GAS7: variants seen among roughly 807,000 people sequenced by gnomAD.
GAS7 encodes growth arrest-specific protein 7.
A neutral mutation model predicts 71.1 loss-of-function variants in GAS7; 28 were observed. The observed-to-expected ratio is 0.39, with a 90% CI of 0.29 to 0.54. The LOEUF is 0.54. Among genes scored for constraint, GAS7 ranks in the 20% least tolerant of loss-of-function variants. The pLI is 0.62. For synonymous variants in GAS7, 258 were observed against 245.8 expected, an observed-to-expected ratio of 1.05 and a Z score of -0.46; for missense variants, 436 against 627.8, an observed-to-expected ratio of 0.69 and a Z score of 3.27.
At chr17:9,962,755 A>G (rs1374158380) in intron 4 of GAS7, among the ~76,000 whole-genome samples, 1 of 152,218 alleles carries the variant, frequency 6.6e-6, no homozygotes, top group Non-Finnish European at 1.5e-5. Flanking sequence ...CTGGCACCTC[A>G]CAGATGACTG....
intron 1 of GAS7, among the ~76,000 whole-genome samples, chr17:10,123,783 C>G (rs912971423): frequency 2.6e-5 from 4 of 152,220 alleles, no homozygotes; most frequent in African/African-American, 9.6e-5. Flanking sequence ...GTCCAAGGCC[C>G]ACAGGTAAGA....
intron 1 of GAS7, among the ~76,000 whole-genome samples, chr17:10,020,844 C>T (rs918489779): frequency 6.6e-6 from 1 of 152,078 alleles, no homozygotes. Context: ...ACCTAGGAGG[C>T]GGAGGTTGCA....
intron 1 of GAS7, among the ~76,000 whole-genome samples, chr17:10,123,374 A>G (rs1437745237): frequency 6.6e-6 from 1 of 152,204 alleles, no homozygotes; most frequent in African/African-American, 2.4e-5. Context: ...CTGCTGGTCC[A>G]GGGACCACAC....
chr17:10,035,406 C>T (rs1230166776), intron 1 of GAS7, among the ~76,000 whole-genome samples: 1 of 152,134 alleles, frequency 6.6e-6, no homozygotes, highest in African/African-American at 2.4e-5. Context: ...TAAAGGTTCC[C>T]GGGTAGTTCA....
At chr17:10,008,065 C>T (rs2071611955) in intron 2 of GAS7, among the ~76,000 whole-genome samples, 1 of 152,214 alleles carries the variant, frequency 6.6e-6, no homozygotes, top group Non-Finnish European at 1.5e-5. Context: ...CCAGCACCTT[C>T]ATTCCTTTTT....
At chr17:10,133,122 A>ATATATATATATATATATATATATAT (rs1392845338) in intron 1 of GAS7, among the ~76,000 whole-genome samples, 1 of 118,888 alleles carries the variant, frequency 8.4e-6, no homozygotes, top group African/African-American at 3.0e-5. Context: ...ATATTTTTAT[A>ATATATATATATATATATATATATAT]TTTTTTTTTT....
chr17:9,951,145 A>C (rs3786110), intron 5 of GAS7, among the ~76,000 whole-genome samples: 71,688 of 152,200 alleles, frequency 0.47, 18,479 homozygotes, highest in African/African-American at 0.69. Flanking sequence ...ACGGGTTTCA[A>C]AAGTGCACAG....
rs370747217 is a variant in GAS7 at position 10,126,511 on chromosome 17, TCA to T, written c.183+71695_183+71696del. On this transcript the variant is annotated intron_variant, in intron 1 of 13. Coordinates refer to ENST00000432992, the MANE Select transcript of GAS7 (RefSeq NM_201433.2). ...CCACTCACATACACACAAACACGTA[TCA>T]CACACGCACACACAAGCACACACAC... 1.4e-3 allele frequency among the ~76,000 whole-genome samples: 190 copies of T among 139,342 alleles called. 6 individuals carry two copies. The South Asian group carries it at 0.022, about 16-fold the overall frequency. The allele number at this position is 139,342 out of a possible 152,430, so 91.4% of individuals were successfully genotyped here. A position where few individuals can be genotyped will look rare whatever the true frequency, so the allele number is the denominator to read the frequency against.
At position 9,981,886 on chromosome 17, in the gene GAS7, TG is replaced by T. The variant is rs1567851902; in HGVS notation, c.305-3del. ...TGCTGGGACGTTCCCAGGTGGTCTC[TG>T]GTGAAAGAAGAGCAAAGAAAATCAC... is the stretch of plus-strand genomic sequence containing the variant. On this transcript the variant is annotated splice_region_variant and splice_polypyrimidine_tract_variant and intron_variant, in intron 2 of 13. Coordinates refer to ENST00000432992, the MANE Select transcript of GAS7 (RefSeq NM_201433.2). The surrounding 1 kb of genome is among the most constrained non-coding windows in gnomAD (Gnocchi z 4.4). 1.9e-6 allele frequency: 3 copies of T among 1,560,746 alleles called. No individual in the cohort carries two copies. In the South Asian group the frequency reaches 3.3e-5, roughly 17 times the overall value.
In GAS7 at chr17:9,913,009, A is replaced by G. The variant is rs1310320595; in HGVS notation, c.*4219T>C. On this transcript the variant is annotated 3_prime_UTR_variant, in exon 14 of 14. Transcript: ENST00000432992. ...ATGACATTCTAGAAAAGGCAAAATT[A>G]TAGGATCAGATAATCAATCAGGGTT... 1 of 232,618 alleles carries G rather than the reference A, an allele frequency of 4.3e-6. No homozygotes were observed. The highest frequency in any genetic ancestry group is 8.5e-6 in the Non-Finnish European group (1 of 117,700). The allele number at this position is 232,618 out of a possible 1,614,324, so 14.4% of individuals were successfully genotyped here. A position where few individuals can be genotyped will look rare whatever the true frequency, so the allele number is the denominator to read the frequency against.
In GAS7 at chr17:9,982,725, G is replaced by A. The variant is rs4603596; in HGVS notation, c.305-841C>T. 4.5e-3 allele frequency among the ~76,000 whole-genome samples: 689 copies of A among 151,510 alleles called. 14 individuals are homozygous for A. Among genetic ancestry groups the A allele is most frequent in the East Asian group, 0.042 (215 of 5,150 alleles). On this transcript the variant is annotated intron_variant, in intron 2 of 13. Coordinates refer to ENST00000432992, the MANE Select transcript of GAS7 (RefSeq NM_201433.2). The stretch of plus-strand genomic sequence containing the variant: ...TGGGAGGCAGAGGTTGCAGTGAGCC[G>A]AGATTGTGCCACTGCACTCCAGCCT...
chr17:10,001,734 G>A (rs527960934), intron 2 of GAS7, among the ~76,000 whole-genome samples: 1 of 152,324 alleles, frequency 6.6e-6, no homozygotes, highest in South Asian at 2.1e-4. Context: ...ATGGTTCAGA[G>A]CAGCCAAGAG....
intron 1 of GAS7, among the ~76,000 whole-genome samples, chr17:10,163,168 T>C (rs2142121276): frequency 6.6e-6 from 1 of 152,314 alleles, no homozygotes; most frequent in South Asian, 2.1e-4. Context: ...TGGACTGCAG[T>C]CGCGTGATCT....
At chr17:9,996,040 T>G (rs566479132) in intron 2 of GAS7, among the ~76,000 whole-genome samples, 11 of 152,204 alleles carry the variant, frequency 7.2e-5, no homozygotes, top group Non-Finnish European at 1.2e-4. Flanking sequence ...AGAATACACA[T>G]GAAGCATTTG....
intron 1 of GAS7, among the ~76,000 whole-genome samples, chr17:10,107,954 G>C (rs911863534): frequency 1.3e-5 from 2 of 152,020 alleles, no homozygotes; most frequent in African/African-American, 4.8e-5. Context: ...AGTCCAGTGG[G>C]AGCTGGGCAG....
chr17:10,054,528 C>T (rs966776546), intron 1 of GAS7, among the ~76,000 whole-genome samples: 4 of 152,170 alleles, frequency 2.6e-5, no homozygotes, highest in African/African-American at 9.7e-5. Context: ...CAACCAAAAA[C>T]AAAACAACCA....
At chr17:10,044,777 A>G (rs1806384) in intron 1 of GAS7, among the ~76,000 whole-genome samples, 16,348 of 152,136 alleles carry the variant, frequency 0.11, 2,084 homozygotes, top group African/African-American at 0.31. Context: ...GTGTCCGGCC[A>G]GGCGCGGTGG....
intron 1 of GAS7, among the ~76,000 whole-genome samples, chr17:10,182,711 G>A (rs891068604): frequency 4.6e-5 from 7 of 152,098 alleles, no homozygotes; most frequent in East Asian, 1.9e-4. Context: ...AGGAGACACC[G>A]GCTTTGTGGT....
chr17:9,918,159 C>A, intron 12 of GAS7, 60 bp from the exon 13 acceptor site: 2 of 1,164,668 alleles, frequency 1.7e-6, no homozygotes, highest in East Asian at 2.4e-5. Flanking sequence ...GGGGGTCCCC[C>A]CACCAAGACC....
Sources: allele counts gnomAD v4.1 joint callset (sites outside exome capture counted in the v4.1 genomes callset), GRCh38; gene constraint gnomAD v4.1.1; non-coding constraint Gnocchi (gnomAD v3.1); transcripts MANE v1.5; gene names NCBI Gene and HGNC (gene_info 2026-07-23, HGNC 2026-07-21).